Variants in SYNDIG1 observed in about 807,000 individuals in gnomAD.
SYNDIG1 encodes synapse differentiation inducing 1.
A neutral mutation model predicts 19.4 loss-of-function variants in SYNDIG1; 9 were observed. That is an observed-to-expected ratio of 0.46 (90% CI 0.28 to 0.81). The LOEUF is 0.81. Ranked by LOEUF, SYNDIG1 falls within the 30% of genes least tolerant of loss-of-function variation. SYNDIG1 has a pLI of 0.12. For missense variants in SYNDIG1, 311 were observed against 343.3 expected (o/e 0.91, Z 0.74); for synonymous variants, 141 against 145.9 (o/e 0.97, Z 0.24).
intron 3 of SYNDIG1, among the ~76,000 whole-genome samples, chr20:24,661,190 C>T (rs879822088): frequency 4.6e-5 from 7 of 151,300 alleles, no homozygotes; most frequent in Admixed American, 4.6e-4. Flanking sequence ...GGGGTGGGGG[C>T]GGGGAGGTCC....
intron 1 of SYNDIG1, among the ~76,000 whole-genome samples, chr20:24,488,980 ATTTC>A (rs1256405729): frequency 1.3e-5 from 2 of 152,084 alleles, no homozygotes; most frequent in Non-Finnish European, 2.9e-5. Context: ...GTTAGTCATC[ATTTC>A]CCCACTGTGG....
At position 24,593,534 on chromosome 20, in the gene SYNDIG1, A is replaced by G. The variant is rs560258324; in HGVS notation, c.618+8541A>G. On this transcript the variant is annotated intron_variant, in intron 3 of 3. Coordinates refer to ENST00000376862, the MANE Select transcript of SYNDIG1 (RefSeq NM_024893.3). ...ATGTCTTTATAGTAGAATGATTTAT[A>G]TTCCTTTGGGTGTATACCCAGTGAT... Among the ~76,000 whole-genome samples the G allele has an allele frequency of 2.6e-5, 4 of 152,310 alleles. No homozygotes were observed. The East Asian group carries it at 7.7e-4, about 29-fold the overall frequency.
intron 2 of SYNDIG1, among the ~76,000 whole-genome samples, chr20:24,549,771 G>A (rs982668429): frequency 3.3e-5 from 5 of 152,210 alleles, no homozygotes; most frequent in African/African-American, 9.7e-5. Flanking sequence ...AAGGATGAAT[G>A]TGAAGTTTTT....
chr20:24,628,300 G>A (rs796819439), intron 3 of SYNDIG1, among the ~76,000 whole-genome samples: 5 of 152,276 alleles, frequency 3.3e-5, no homozygotes, highest in African/African-American at 1.2e-4. Context: ...CGCAAACTTG[G>A]ACGTCTGCAG....
intron 3 of SYNDIG1, among the ~76,000 whole-genome samples, chr20:24,646,323 C>T (rs2059422378): frequency 6.6e-6 from 1 of 152,156 alleles, no homozygotes; most frequent in African/African-American, 2.4e-5. Context: ...TGTTTGTCAC[C>T]TCCAAACCTC....
chr20:24,573,942 G>A (rs2058185396), intron 2 of SYNDIG1, among the ~76,000 whole-genome samples: 1 of 152,120 alleles, frequency 6.6e-6, no homozygotes, highest in African/African-American at 2.4e-5. Context: ...AACTTTCTCT[G>A]GAGACCTGAA....
chr20:24,479,606 TC>T (rs2055737962), intron 1 of SYNDIG1, among the ~76,000 whole-genome samples: 2 of 152,150 alleles, frequency 1.3e-5, no homozygotes, highest in South Asian at 4.1e-4. Context: ...TTCCTCTTCC[TC>T]ATCACTAGAT....
chr20:24,542,382 A>T (rs1024475549), intron 1 of SYNDIG1, among the ~76,000 whole-genome samples: 1 of 152,224 alleles, frequency 6.6e-6, no homozygotes, highest in African/African-American at 2.4e-5. Context: ...ATTCTGATTT[A>T]GTAGGTGCAG....
At chr20:24,632,573 G>GA (rs35560066) in intron 3 of SYNDIG1, among the ~76,000 whole-genome samples, 3,312 of 152,214 alleles carry the variant, frequency 0.022, 51 homozygotes, top group Middle Eastern at 0.058. Context: ...TAACACCAGT[G>GA]AAAAAAAGCA....
chr20:24,525,290 T>C (rs1235856300), intron 1 of SYNDIG1, among the ~76,000 whole-genome samples: 9 of 13,506 alleles, frequency 6.7e-4, no homozygotes, highest in African/African-American at 4.7e-3. Context: ...CTTCTTCTTT[T>C]TTTTTTTTTT....
intron 2 of SYNDIG1, among the ~76,000 whole-genome samples, chr20:24,555,774 A>G (rs973562270): frequency 1.3e-5 from 2 of 152,082 alleles, no homozygotes; most frequent in African/African-American, 4.8e-5. Context: ...AAAAAAATGT[A>G]TATTCTGTTG....
chr20:24,582,868 C>T (rs955482594), intron 2 of SYNDIG1, among the ~76,000 whole-genome samples: 4 of 152,232 alleles, frequency 2.6e-5, no homozygotes, highest in Non-Finnish European at 4.4e-5. Flanking sequence ...TTGACCTGTG[C>T]CCAGCAGGAG....
chr20:24,537,714 G>A (rs575751409), intron 1 of SYNDIG1, among the ~76,000 whole-genome samples: 1 of 152,312 alleles, frequency 6.6e-6, no homozygotes, highest in African/African-American at 2.4e-5. Flanking sequence ...ATGAGACAGA[G>A]AGGTCATTGG....
intron 2 of SYNDIG1, among the ~76,000 whole-genome samples, chr20:24,546,928 A>G (rs1448663940): frequency 6.6e-6 from 1 of 152,214 alleles, no homozygotes; most frequent in Non-Finnish European, 1.5e-5. Context: ...TTCTTTGAGT[A>G]TTGTATAGCT....
intron 3 of SYNDIG1, among the ~76,000 whole-genome samples, chr20:24,632,867 A>G (rs1271317901): frequency 6.6e-6 from 1 of 152,072 alleles, no homozygotes; most frequent in Non-Finnish European, 1.5e-5. Context: ...TCTGGAATAA[A>G]TTCGCGAGAA....
At chr20:24,497,378 T>G (rs1350006218) in intron 1 of SYNDIG1, among the ~76,000 whole-genome samples, 1 of 152,110 alleles carries the variant, frequency 6.6e-6, no homozygotes, top group Non-Finnish European at 1.5e-5. Flanking sequence ...TTTTCGTATT[T>G]TGAGTAGAGA....
At chr20:24,576,563 C>T (rs1449543159) in intron 2 of SYNDIG1, among the ~76,000 whole-genome samples, 1 of 152,174 alleles carries the variant, frequency 6.6e-6, no homozygotes, top group African/African-American at 2.4e-5. Context: ...TGCTTTGCCC[C>T]TTGTCATGGT....
chr20:24,547,072 C>T (rs2057592762), intron 2 of SYNDIG1, among the ~76,000 whole-genome samples: 1 of 151,408 alleles, frequency 6.6e-6, no homozygotes, highest in African/African-American at 2.4e-5. Flanking sequence ...TGTTCAGGGC[C>T]CCTCCCATTG....
At chr20:24,533,629 T>G (rs2057304569) in intron 1 of SYNDIG1, among the ~76,000 whole-genome samples, 2 of 151,796 alleles carry the variant, frequency 1.3e-5, no homozygotes, top group Non-Finnish European at 2.9e-5. Flanking sequence ...AGTTGATCTC[T>G]GGGGGGCGCT....
Sources: gnomAD v4.1 joint callset for allele counts (sites outside exome capture counted in the v4.1 genomes callset) on GRCh38, gnomAD v4.1.1 for gene constraint, MANE v1.5 for transcripts, NCBI Gene and HGNC (gene_info 2026-07-23, HGNC 2026-07-21) for gene names.